AUTS2: variants seen among roughly 807,000 people sequenced by gnomAD.
AUTS2 encodes activator of transcription and developmental regulator AUTS2, also known as autism susceptibility gene 2 protein.
In AUTS2, 17 loss-of-function variants were observed where a neutral mutation model predicts 112.4. The ratio of observed to expected loss-of-function variants is 0.15; its 90% CI spans 0.10 to 0.23. The LOEUF (loss-of-function observed/expected upper bound fraction) is 0.23. Among genes scored for constraint, AUTS2 ranks in the 10% least tolerant of loss-of-function variants. The pLI is 1.00. For missense variants in AUTS2, 1,510 were observed against 1,701.6 expected, an observed-to-expected ratio of 0.89 and a Z score of 1.98; for synonymous variants, 751 against 702.7, an observed-to-expected ratio of 1.07 and a Z score of -1.09.
intron 4 of AUTS2, among the ~76,000 whole-genome samples, chr7:70,154,309 G>C (rs987378202): frequency 7.2e-5 from 11 of 152,100 alleles, no homozygotes; most frequent in African/African-American, 2.7e-4. Context: ...AAATGAGAGA[G>C]GAAAAGGGAA....
At chr7:69,960,374 G>A (rs139566454) in intron 2 of AUTS2, among the ~76,000 whole-genome samples, 106 of 152,258 alleles carry the variant, frequency 7.0e-4, no homozygotes, top group Non-Finnish European at 1.5e-3. Flanking sequence ...CCACTGTAGA[G>A]TAAATAATGT....
Position 70,155,290 on chromosome 7 carries a change from C to A in AUTS2, c.660+20719C>A, listed in dbSNP as rs79339524. Among the ~76,000 whole-genome samples, 440 of 152,208 alleles carry A rather than the reference C, an allele frequency of 2.9e-3. 4 individuals are homozygous for A. Among genetic ancestry groups the A allele is most frequent in the African/African-American group, 0.01 (426 of 41,524 alleles). ...AGAATCTCAGTCAGGATTCTACTTT[C>A]AAGAGACAGTGCAAGGCTCCTAGGA... is the stretch of plus-strand genomic sequence containing the variant. On this transcript the variant is annotated intron_variant, in intron 4 of 18. Transcript: ENST00000342771.
intron 4 of AUTS2, among the ~76,000 whole-genome samples, chr7:70,382,499 G>C (rs1028085869): frequency 5.3e-5 from 8 of 152,106 alleles, no homozygotes; most frequent in Non-Finnish European, 1.2e-4. Context: ...CTATCTGGCA[G>C]TAAAGACTAT....
rs149863194 is a variant in AUTS2, at chr7:70,631,871, T to C, written c.691-66698T>C. 6.6e-6 allele frequency among the ~76,000 whole-genome samples: 1 copy of C among 152,200 alleles called. No homozygotes were observed. Among genetic ancestry groups the C allele is most frequent in the African/African-American group, 2.4e-5 (1 of 41,550 alleles). On this transcript the variant is annotated intron_variant, in intron 5 of 18. Transcript: ENST00000342771. The surrounding 1 kb of genome is among the most constrained non-coding windows in gnomAD (Gnocchi z 4.5). ...CTGCCGCTTTGGCTTAGTTCTCCCA[T>C]GTCCCTTGATTCAGTGGTGTGACCA...
chr7:70,345,847 C>T (rs145576664), intron 4 of AUTS2, among the ~76,000 whole-genome samples: 36 of 152,274 alleles, frequency 2.4e-4, no homozygotes, highest in African/African-American at 8.4e-4. Flanking sequence ...TACTTCAAGC[C>T]TGATGATAAC....
At chr7:70,769,826 A>G (rs1348157338) in intron 10 of AUTS2, among the ~76,000 whole-genome samples, 1 of 152,180 alleles carries the variant, frequency 6.6e-6, no homozygotes, top group Non-Finnish European at 1.5e-5. Flanking sequence ...GGAGGCCTGA[A>G]TTTTTGGAAG....
intron 6 of AUTS2, among the ~76,000 whole-genome samples, chr7:70,723,089 T>G (rs1786794677): frequency 6.6e-6 from 1 of 152,170 alleles, no homozygotes; most frequent in Non-Finnish European, 1.5e-5. Flanking sequence ...GTAGAGAACG[T>G]GAGCTTCTTG....
rs868665728 is a variant in AUTS2, at chr7:70,406,843, A to C, written c.661-28909A>C. ...ATCTTGTAACTCTTGGTAGCAAAGC[A>C]AAATTAACAACCCAGCCGCATCTGT... On this transcript the variant is annotated intron_variant, in intron 4 of 18. Coordinates refer to ENST00000342771, the MANE Select transcript of AUTS2 (RefSeq NM_015570.4). Among the ~76,000 whole-genome samples the C allele has an allele frequency of 3.9e-5, 6 of 152,354 alleles. No homozygotes were observed. In the South Asian group the frequency reaches 6.2e-4, roughly 16 times the overall value.
intron 4 of AUTS2, among the ~76,000 whole-genome samples, chr7:70,177,918 GTTT>G (rs765470016): frequency 1.5e-5 from 2 of 134,872 alleles, no homozygotes; most frequent in Admixed American, 7.5e-5. Flanking sequence ...ACATAATTCT[GTTT>G]TTTTTTTTTT....
chr7:70,756,097 T>C (rs1243545776), intron 6 of AUTS2, among the ~76,000 whole-genome samples: 1 of 152,210 alleles, frequency 6.6e-6, no homozygotes, highest in African/African-American at 2.4e-5. Flanking sequence ...TTAATGTTTA[T>C]CTTTCCAGTC....
intron 4 of AUTS2, among the ~76,000 whole-genome samples, chr7:70,336,328 G>T (rs1790988968): frequency 6.6e-6 from 1 of 152,070 alleles, no homozygotes; most frequent in Non-Finnish European, 1.5e-5. Context: ...GACAACCATT[G>T]CTAGCATTTC....
chr7:69,983,052 A>C (rs952538644), intron 2 of AUTS2, among the ~76,000 whole-genome samples: 1 of 152,194 alleles, frequency 6.6e-6, no homozygotes, highest in Non-Finnish European at 1.5e-5. Flanking sequence ...CCCTACCGGA[A>C]ACTAATGGCG....
At chr7:70,443,898 C>A (rs766171396) in intron 5 of AUTS2, among the ~76,000 whole-genome samples, 11 of 152,148 alleles carry the variant, frequency 7.2e-5, no homozygotes, top group Admixed American at 5.2e-4. Context: ...AGCTAGCTTA[C>A]GGAATGTGTT....
chr7:70,474,665 T>A (rs1797513589), intron 5 of AUTS2, among the ~76,000 whole-genome samples: 1 of 152,208 alleles, frequency 6.6e-6, no homozygotes, highest in Admixed American at 6.5e-5. Context: ...GGGTGGGCAG[T>A]CTAGTTTAAG....
chr7:70,648,315 C>T (rs1806287575), intron 5 of AUTS2, among the ~76,000 whole-genome samples: 1 of 152,116 alleles, frequency 6.6e-6, no homozygotes, highest in African/African-American at 2.4e-5. Context: ...CCTTCACCAA[C>T]ACCTTTCACG....
intron 4 of AUTS2, among the ~76,000 whole-genome samples, chr7:70,270,143 T>C (rs965885883): frequency 2.0e-5 from 3 of 152,142 alleles, no homozygotes; most frequent in African/African-American, 7.2e-5. Flanking sequence ...AAACATTCCA[T>C]GTAGTCTTGG....
intron 1 of AUTS2, among the ~76,000 whole-genome samples, chr7:69,716,730 A>T (rs1466600583): frequency 6.6e-6 from 1 of 152,100 alleles, no homozygotes; most frequent in Non-Finnish European, 1.5e-5. Flanking sequence ...GTTCCAGGTG[A>T]TGTGTACTTC....
At chr7:69,919,307 T>G (rs1450070643) in intron 2 of AUTS2, among the ~76,000 whole-genome samples, 2 of 152,246 alleles carry the variant, frequency 1.3e-5, no homozygotes, top group Non-Finnish European at 2.9e-5. Context: ...TTAAGGTTCC[T>G]CTTTCAGCAG....
At chr7:70,786,331 C>A (rs543469206) in intron 17 of AUTS2, among the ~76,000 whole-genome samples, 1 of 152,236 alleles carries the variant, frequency 6.6e-6, no homozygotes, top group Non-Finnish European at 1.5e-5. Context: ...CATCTCTGCT[C>A]TCCAAGATTT....
Sources: gnomAD v4.1 joint callset for allele counts (sites outside exome capture counted in the v4.1 genomes callset) on GRCh38, gnomAD v4.1.1 for gene constraint, Gnocchi (gnomAD v3.1) non-coding constraint, MANE v1.5 for transcripts, NCBI Gene and HGNC (gene_info 2026-07-23, HGNC 2026-07-21) for gene names.